The following UBL3 variants were observed in gnomAD, a reference collection of about 807,000 sequenced individuals.
UBL3 encodes the protein ubiquitin like 3, also known as ubiquitin-like protein 3.
A neutral mutation model predicts 18.4 loss-of-function variants in UBL3; 6 were observed. That is an observed-to-expected ratio of 0.33 (90% CI 0.18 to 0.64). UBL3 has a LOEUF of 0.64. Ranked by LOEUF, UBL3 falls within the 30% of genes least tolerant of loss-of-function variation. UBL3 has a pLI of 0.76. For synonymous variants in UBL3, 49 were observed against 46.6 expected (o/e 1.05, Z -0.21); for missense variants, 109 against 142.9 (o/e 0.76, Z 1.21).
intron 1 of UBL3, among the ~76,000 whole-genome samples, chr13:29,783,291 G>A (rs1389807468): frequency 2.0e-5 from 3 of 152,176 alleles, no homozygotes; most frequent in South Asian, 2.1e-4. Flanking sequence ...CTAAGTTACC[G>A]TATTAACGTA....
intron 1 of UBL3, among the ~76,000 whole-genome samples, chr13:29,842,890 A>G (rs2139369842): frequency 6.6e-6 from 1 of 152,356 alleles, no homozygotes; most frequent in South Asian, 2.1e-4. Flanking sequence ...AAAGATACTC[A>G]CTTTACTGTG....
intron 1 of UBL3, among the ~76,000 whole-genome samples, chr13:29,831,407 T>C (rs1878766760): frequency 4.0e-5 from 6 of 151,880 alleles, no homozygotes; most frequent in African/African-American, 2.4e-5. Context: ...CTGACCAACA[T>C]GGAGAAAACC....
At chr13:29,769,878 TTGTC>T (rs1449148457) in intron 3 of UBL3, among the ~76,000 whole-genome samples, 1 of 152,070 alleles carries the variant, frequency 6.6e-6, no homozygotes, top group Non-Finnish European at 1.5e-5. Flanking sequence ...GCTTCCTACT[TTGTC>T]TGCATAATGG....
chr13:29,841,523 C>T (rs577922082), intron 1 of UBL3, among the ~76,000 whole-genome samples: 95 of 152,290 alleles, frequency 6.2e-4, no homozygotes, highest in Non-Finnish European at 1.1e-3. Context: ...TAATTAAAAT[C>T]ATTCCAATCC....
chr13:29,849,772 CA>C lies in UBL3; in HGVS notation c.-235del. The C allele has an allele frequency of 1.7e-6, 1 of 602,520 alleles. No homozygotes were observed. The allele number at this position is 602,520 out of a possible 1,614,324, so 37.3% of individuals were successfully genotyped here. ...GAGCAGGAGGAAACTCCCGGGACAG[CA>C]GAGGCAGCCCCCGTCGTCGTCGTCG... On this transcript the variant is annotated 5_prime_UTR_variant, in exon 1 of 5. Transcript: ENST00000380680.
rs575028880 is a variant in UBL3, at chr13:29,795,816, C to A, written c.28-18553G>T. Among the ~76,000 whole-genome samples, 490 of 151,208 alleles carry A rather than the reference C, an allele frequency of 3.2e-3. 1 individual carries two copies. The highest frequency in any genetic ancestry group is 6.9e-3 in the Middle Eastern group (2 of 288). Reference sequence around the variant, plus strand: ...GTGTGGTGGTAAGCACCTGCAGTCCCAGTTACTTGGAAGGCTGAGGTAAGA... The same window carrying A: ...GTGTGGTGGTAAGCACCTGCAGTCCAAGTTACTTGGAAGGCTGAGGTAAGA... On this transcript the variant is annotated intron_variant, in intron 1 of 4. Coordinates refer to ENST00000380680, the MANE Select transcript of UBL3 (RefSeq NM_007106.4).
chr13:29,797,956 T>A (rs1291237729), intron 1 of UBL3, among the ~76,000 whole-genome samples: 1 of 152,080 alleles, frequency 6.6e-6, no homozygotes, highest in African/African-American at 2.4e-5. Flanking sequence ...TTTGCTTCCT[T>A]CTACTTTTTC....
chr13:29,844,089 GA>G (rs1879174742), intron 1 of UBL3, among the ~76,000 whole-genome samples: 1 of 152,106 alleles, frequency 6.6e-6, no homozygotes, highest in African/African-American at 2.4e-5. Flanking sequence ...CTATATAACA[GA>G]AAAACTGGAA....
intron 1 of UBL3, among the ~76,000 whole-genome samples, chr13:29,844,955 A>C (rs980637090): frequency 2.6e-5 from 4 of 152,070 alleles, no homozygotes; most frequent in African/African-American, 4.8e-5. Flanking sequence ...TTTTTCTGTA[A>C]GTAACGAAGA....
At chr13:29,817,465 G>A (rs1255006292) in intron 1 of UBL3, among the ~76,000 whole-genome samples, 2 of 152,112 alleles carry the variant, frequency 1.3e-5, no homozygotes, top group East Asian at 3.8e-4. Context: ...GGGGTACAGG[G>A]TTATGATGAT....
At chr13:29,811,567 T>C (rs973665698) in intron 1 of UBL3, among the ~76,000 whole-genome samples, 1 of 152,064 alleles carries the variant, frequency 6.6e-6, no homozygotes, top group Admixed American at 6.6e-5. Flanking sequence ...AGATAGACTG[T>C]CCCTGCCATG....
rs1180662351 is a variant in UBL3 at position 29,788,870 on chromosome 13, T to TGTGTGTGC, written c.28-11608_28-11607insGCACACAC. On this transcript the variant is annotated intron_variant, in intron 1 of 4. Coordinates refer to ENST00000380680, the MANE Select transcript of UBL3 (RefSeq NM_007106.4). ...GTGTGTGTGTGTGTGTGTGTGTGTGTGCGCGCGCGCGCGCACGCGCACGTG... is the reference window on the plus strand; with the variant it reads ...GTGTGTGTGTGTGTGTGTGTGTGTGTGTGTGTGCGCGCGCGCGCGCGCACGCGCACGTG... 9.0e-3 allele frequency among the ~76,000 whole-genome samples: 189 copies of TGTGTGTGC among 20,900 alleles called. 1 individual carries two copies. Among genetic ancestry groups the TGTGTGTGC allele is most frequent in the East Asian group, 0.042 (16 of 384 alleles). 13.7% of individuals were successfully genotyped at this position (20,900 alleles called of 152,430 possible).
intron 1 of UBL3, among the ~76,000 whole-genome samples, chr13:29,842,356 A>C (rs1879127254): frequency 6.6e-6 from 1 of 151,900 alleles, no homozygotes; most frequent in African/African-American, 2.4e-5. Flanking sequence ...TGGGGGTTTC[A>C]CCATGTTGGT....
intron 2 of UBL3, among the ~76,000 whole-genome samples, chr13:29,774,714 A>G (rs189926175): frequency 2.6e-5 from 4 of 152,170 alleles, no homozygotes; most frequent in Admixed American, 1.3e-4. Flanking sequence ...ATCCACCAAG[A>G]CATGTCCTTA....
intron 1 of UBL3, among the ~76,000 whole-genome samples, chr13:29,783,921 A>G (rs994824714): frequency 6.6e-6 from 1 of 152,202 alleles, no homozygotes; most frequent in Admixed American, 6.5e-5. Context: ...TATGAGAGCT[A>G]TTATGTAGTA....
chr13:29,810,597 T>G (rs1878041619), intron 1 of UBL3, among the ~76,000 whole-genome samples: 1 of 152,078 alleles, frequency 6.6e-6, no homozygotes, highest in African/African-American at 2.4e-5. Flanking sequence ...TGAAGACCAG[T>G]GGTGTATAGT....
At chr13:29,826,267 G>C (rs1250982919) in intron 1 of UBL3, among the ~76,000 whole-genome samples, 5 of 152,214 alleles carry the variant, frequency 3.3e-5, no homozygotes, top group Non-Finnish European at 7.3e-5. Context: ...GTTTCAGAAG[G>C]AATGGTACCA....
intron 2 of UBL3, among the ~76,000 whole-genome samples, chr13:29,774,687 TA>T (rs1293013102): frequency 6.6e-6 from 1 of 152,172 alleles, no homozygotes; most frequent in Admixed American, 6.5e-5. Context: ...CAGTATTTCT[TA>T]AATTTAGGCC....
chr13:29,773,477 T>C (rs927138302), intron 2 of UBL3, among the ~76,000 whole-genome samples: 1 of 152,190 alleles, frequency 6.6e-6, no homozygotes, highest in Admixed American at 6.5e-5. Flanking sequence ...TATTGTTTAA[T>C]AGAATATTTC....
Sources: gnomAD v4.1 joint callset for allele counts (sites outside exome capture counted in the v4.1 genomes callset) on GRCh38, gnomAD v4.1.1 for gene constraint, MANE v1.5 for transcripts, NCBI Gene and HGNC (gene_info 2026-07-23, HGNC 2026-07-21) for gene names.